PARD3B: variants seen among roughly 807,000 people sequenced by gnomAD.
PARD3B encodes the protein par-3 family cell polarity regulator beta, also known as partitioning defective 3 homolog B.
In PARD3B, 103 loss-of-function variants were observed where a neutral mutation model predicts 130.2. That is an observed-to-expected ratio of 0.79 (90% CI 0.67 to 0.93). The LOEUF is 0.93. PARD3B is among the 40% of genes least tolerant of loss of function. The probability of loss-of-function intolerance (pLI) is 0.00; values close to 1 mark genes in which losing one functional copy is unlikely to be tolerated. For missense variants in PARD3B, 1,609 were observed against 1,499.2 expected, an observed-to-expected ratio of 1.07 and a Z score of -1.21; for synonymous variants, 583 against 553.2, an observed-to-expected ratio of 1.05 and a Z score of -0.76.
rs866466043 is a variant in PARD3B, at chr2:205,047,114, A to G, written c.395-467A>G. Among the ~76,000 whole-genome samples, 72 of 152,306 alleles carry G rather than the reference A, an allele frequency of 4.7e-4. No individual in the cohort carries two copies. The Middle Eastern group carries it at 0.014, about 29-fold the overall frequency. The stretch of plus-strand genomic sequence containing the variant: ...GGCATTAATGTTGTAACCCCAGCAA[A>G]TAATTTATTTTGGTCTATATCATCA... On this transcript the variant is annotated intron_variant, in intron 3 of 22. Transcript: ENST00000406610.
At chr2:204,958,007 C>T (rs1340429930) in intron 2 of PARD3B, among the ~76,000 whole-genome samples, 1 of 151,958 alleles carries the variant, frequency 6.6e-6, no homozygotes, top group African/African-American at 2.4e-5. Context: ...AACAGTTTAA[C>T]CCAAAGAACT....
chr2:204,888,966 A>C (rs1025869916), intron 2 of PARD3B, among the ~76,000 whole-genome samples: 35 of 152,152 alleles, frequency 2.3e-4, no homozygotes, highest in African/African-American at 8.0e-4. Context: ...TCCCTAGATA[A>C]CCAAGGCCAG....
At chr2:205,542,100 G>A (rs1008084938) in intron 21 of PARD3B, among the ~76,000 whole-genome samples, 4 of 120,628 alleles carry the variant, frequency 3.3e-5, no homozygotes, top group African/African-American at 1.3e-4. Flanking sequence ...CTGAGATCAC[G>A]CCACTGCACT....
chr2:204,989,116 C>T (rs540528057), intron 3 of PARD3B, among the ~76,000 whole-genome samples: 1 of 152,216 alleles, frequency 6.6e-6, no homozygotes, highest in Admixed American at 6.5e-5. Context: ...GGGGTACAGG[C>T]TACAGTCAGC....
intron 1 of PARD3B, among the ~76,000 whole-genome samples, chr2:204,608,597 T>A (rs774750470): frequency 2.0e-5 from 3 of 152,204 alleles, no homozygotes; most frequent in Non-Finnish European, 2.9e-5. Context: ...TTAGCACAGA[T>A]AAATCAGTTG....
intron 2 of PARD3B, among the ~76,000 whole-genome samples, chr2:204,732,030 T>A (rs1050190858): frequency 6.6e-6 from 1 of 152,084 alleles, no homozygotes; most frequent in Non-Finnish European, 1.5e-5. Context: ...CCTGTTTGTC[T>A]ACGAATTTAG....
intron 4 of PARD3B, among the ~76,000 whole-genome samples, chr2:205,088,624 A>C (rs1701888139): frequency 6.6e-6 from 1 of 152,196 alleles, no homozygotes; most frequent in Non-Finnish European, 1.5e-5. Context: ...GAACAGTGAG[A>C]CAAATTCATG....
chr2:205,118,086 G>A (rs1039214499), intron 6 of PARD3B, among the ~76,000 whole-genome samples: 1 of 152,116 alleles, frequency 6.6e-6, no homozygotes, highest in African/African-American at 2.4e-5. Flanking sequence ...TTGAAATTTT[G>A]GACAACTCTT....
rs369010540 is a variant in PARD3B at position 205,301,398 on chromosome 2, C to A, written c.2393-66C>A. ...CATTCTTTTGCATTTTACATGTTAG[C>A]GTTTCTCTGTATACTAACTGAGTGT... On this transcript the variant is annotated intron_variant, in intron 17 of 22. Transcript: ENST00000406610. The surrounding 1 kb of genome is among the most constrained non-coding windows in gnomAD (Gnocchi z 5.2). The A allele has an allele frequency of 4.5e-6, 7 of 1,546,346 alleles. No individual in the cohort carries two copies. The African/African-American group carries it at 9.7e-5, about 21-fold the overall frequency.
intron 20 of PARD3B, among the ~76,000 whole-genome samples, chr2:205,475,856 G>A (rs80189444): frequency 0.092 from 14,016 of 152,200 alleles, 930 homozygotes; most frequent in African/African-American, 0.19. Context: ...ATTTGGTGCA[G>A]CAGTTTGAAT....
chr2:205,028,639 T>C lies in PARD3B; in HGVS notation c.395-18942T>C, dbSNP rs1575587533. Among the ~76,000 whole-genome samples, 3 of 152,228 alleles carry C rather than the reference T, an allele frequency of 2.0e-5. No homozygotes were observed. In the East Asian group the frequency reaches 5.8e-4, roughly 29 times the overall value. On this transcript the variant is annotated intron_variant, in intron 3 of 22. Transcript: ENST00000406610. ...GGAACCAGACAATGATGTCCATCTC[T>C]CACCACTTCTATTCAACATAGTCCC...
intron 19 of PARD3B, among the ~76,000 whole-genome samples, chr2:205,436,359 G>T (rs896788267): frequency 6.6e-6 from 1 of 152,108 alleles, no homozygotes; most frequent in Non-Finnish European, 1.5e-5. Context: ...TTCAAGATGG[G>T]TCAATAAGTA....
At chr2:204,551,669 T>G (rs920439615) in intron 1 of PARD3B, among the ~76,000 whole-genome samples, 7 of 152,178 alleles carry the variant, frequency 4.6e-5, no homozygotes, top group Non-Finnish European at 7.3e-5. Flanking sequence ...AATTGCCCTG[T>G]GCGCGATTGG....
intron 1 of PARD3B, among the ~76,000 whole-genome samples, chr2:204,620,984 T>A (rs1406815006): frequency 6.6e-6 from 1 of 152,192 alleles, no homozygotes; most frequent in Non-Finnish European, 1.5e-5. Flanking sequence ...AGTACCTGTG[T>A]TTCACTGTAA....
intron 1 of PARD3B, among the ~76,000 whole-genome samples, chr2:204,651,926 C>T (rs552123555): frequency 1.3e-5 from 2 of 152,258 alleles, no homozygotes; most frequent in Admixed American, 6.5e-5. Context: ...ACCTTGGCCT[C>T]GCAGCCATGG....
chr2:205,063,336 A>G (rs1161856520), intron 4 of PARD3B, among the ~76,000 whole-genome samples: 5 of 151,984 alleles, frequency 3.3e-5, no homozygotes, highest in Admixed American at 2.0e-4. Context: ...ATATAAAAAA[A>G]TAAAATTTTA....
At chr2:205,151,106 C>G (rs902090743) in intron 10 of PARD3B, among the ~76,000 whole-genome samples, 10 of 152,164 alleles carry the variant, frequency 6.6e-5, no homozygotes, top group Admixed American at 1.3e-4. Flanking sequence ...CCATGCTGTA[C>G]TCCATAAATA....
chr2:205,606,810 G>A (rs1462124965), intron 22 of PARD3B, among the ~76,000 whole-genome samples: 7 of 152,014 alleles, frequency 4.6e-5, no homozygotes, highest in African/African-American at 1.7e-4. Flanking sequence ...TATATTCCAG[G>A]TTATTTGCAG....
intron 2 of PARD3B, among the ~76,000 whole-genome samples, chr2:204,964,606 T>C (rs1179447527): frequency 6.6e-6 from 1 of 152,182 alleles, no homozygotes; most frequent in Non-Finnish European, 1.5e-5. Context: ...GATACCTATT[T>C]ATGCAAGATC....
Sources: allele counts gnomAD v4.1 joint callset (sites outside exome capture counted in the v4.1 genomes callset), GRCh38; gene constraint gnomAD v4.1.1; non-coding constraint Gnocchi (gnomAD v3.1); transcripts MANE v1.5; gene names NCBI Gene and HGNC (gene_info 2026-07-23, HGNC 2026-07-21).